ACBD6: variants seen among roughly 807,000 people sequenced by gnomAD.
ACBD6 encodes acyl-CoA binding domain containing 6.
ACBD6 carries 28 observed loss-of-function variants against 37.2 expected under a neutral mutation model. That is an observed-to-expected ratio of 0.75 (90% CI 0.56 to 1.03). ACBD6 has a LOEUF of 1.03. ACBD6 is among the 50% of genes least tolerant of loss of function. The pLI, the probability that ACBD6 is intolerant of heterozygous loss-of-function variation, is 0.00. For missense variants in ACBD6, 340 were observed against 337.4 expected (o/e 1.01, Z -0.06); for synonymous variants, 113 against 126.8 (o/e 0.89, Z 0.73).
chr1:180,447,834 C>A (rs796242591), intron 3 of ACBD6, among the ~76,000 whole-genome samples: 1 of 151,774 alleles, frequency 6.6e-6, no homozygotes, highest in African/African-American at 2.4e-5. Context: ...AAAGAAGAAA[C>A]TGTATTTTAA....
intron 4 of ACBD6, among the ~76,000 whole-genome samples, chr1:180,418,743 G>A (rs896592197): frequency 6.6e-6 from 1 of 152,174 alleles, no homozygotes; most frequent in Non-Finnish European, 1.5e-5. Flanking sequence ...GTAGGATACT[G>A]TTTTTGACTC....
chr1:180,290,784 G>A (rs1649669840), intron 7 of ACBD6, among the ~76,000 whole-genome samples: 1 of 152,196 alleles, frequency 6.6e-6, no homozygotes, highest in Non-Finnish European at 1.5e-5. Context: ...AGGAATGCTG[G>A]AGAACTGTCT....
chr1:180,272,060 CTG>C, intron 13 of ACBD6: 2 of 1,515,858 alleles, frequency 1.3e-6, no homozygotes, highest in Non-Finnish European at 1.8e-6. Flanking sequence ...CCCTGGGAAT[CTG>C]TAATCCCTGG....
At chr1:180,359,918 TAG>T (rs1412683032) in intron 6 of ACBD6, among the ~76,000 whole-genome samples, 1 of 152,188 alleles carries the variant, frequency 6.6e-6, no homozygotes, top group African/African-American at 2.4e-5. Context: ...ATTACAGACA[TAG>T]AAAGTGAGAT....
In ACBD6 at chr1:180,326,151, G is replaced by A. The variant is rs111655404; in HGVS notation, c.664-11429C>T. ...GGCCCTGGGTGGGTCCAGAGATGCTGTCTGGGAGCTAGGGATTGGAGGAAA... is the reference window on the plus strand; with the variant it reads ...GGCCCTGGGTGGGTCCAGAGATGCTATCTGGGAGCTAGGGATTGGAGGAAA... On this transcript the variant is annotated intron_variant, in intron 6 of 7. Transcript: ENST00000367595. Among the ~76,000 whole-genome samples the A allele has an allele frequency of 6.9e-3, 1,055 of 152,326 alleles. 8 individuals are homozygous for A. Among genetic ancestry groups the A allele is most frequent in the Non-Finnish European group, 0.013 (887 of 68,018 alleles).
chr1:180,380,276 AAAACAAAC>A (rs59797090), intron 6 of ACBD6, among the ~76,000 whole-genome samples: 1 of 151,330 alleles, frequency 6.6e-6, no homozygotes, highest in Non-Finnish European at 1.5e-5. Context: ...AAAACAAAAC[AAAACAAAC>A]AAACAAAGAA....
intron 5 of ACBD6, among the ~76,000 whole-genome samples, chr1:180,404,201 T>TCAGCCTCC (rs1448552375): frequency 6.6e-6 from 1 of 152,092 alleles, no homozygotes; most frequent in Non-Finnish European, 1.5e-5. Flanking sequence ...TCTGCCCACC[T>TCAGCCTCC]CAGCCTCCCA....
intron 6 of ACBD6, among the ~76,000 whole-genome samples, chr1:180,341,213 G>C (rs1651974661): frequency 6.6e-6 from 1 of 152,070 alleles, no homozygotes; most frequent in South Asian, 2.1e-4. Flanking sequence ...TTGCAAAATA[G>C]AAACAACCTA....
chr1:180,317,358 G>T (rs1650853947), intron 6 of ACBD6, among the ~76,000 whole-genome samples: 1 of 152,170 alleles, frequency 6.6e-6, no homozygotes, highest in Non-Finnish European at 1.5e-5. Context: ...AGGGAAGCAT[G>T]GGGAGTTCTT....
chr1:180,400,947 A>G (rs1417661270), intron 5 of ACBD6, among the ~76,000 whole-genome samples: 2 of 152,182 alleles, frequency 1.3e-5, no homozygotes, highest in Non-Finnish European at 1.5e-5. Context: ...AAATTTATGA[A>G]CTATTTTACA....
intron 4 of ACBD6, among the ~76,000 whole-genome samples, chr1:180,425,664 G>A (rs549675949): frequency 2.0e-5 from 3 of 152,302 alleles, no homozygotes; most frequent in African/African-American, 7.2e-5. Flanking sequence ...AAAACAGGCT[G>A]CAATGTAACA....
intron 6 of ACBD6, among the ~76,000 whole-genome samples, chr1:180,337,257 A>G (rs1042331976): frequency 1.4e-4 from 21 of 152,194 alleles, no homozygotes; most frequent in Non-Finnish European, 2.9e-4. Context: ...ATCCTCAATA[A>G]AATACTGAAA....
At chr1:180,479,844 C>T (rs1362058635) in intron 3 of ACBD6, among the ~76,000 whole-genome samples, 4 of 152,004 alleles carry the variant, frequency 2.6e-5, no homozygotes, top group Non-Finnish European at 5.9e-5. Context: ...AAAAAACTAG[C>T]TGGGTGTGGT....
chr1:180,355,727 C>T (rs755513280), intron 6 of ACBD6, among the ~76,000 whole-genome samples: 1 of 152,146 alleles, frequency 6.6e-6, no homozygotes, highest in Non-Finnish European at 1.5e-5. Context: ...TTTATGTAGT[C>T]TCCCATCCCT....
chr1:180,342,871 T>G (rs1220662060), intron 6 of ACBD6, among the ~76,000 whole-genome samples: 1 of 152,104 alleles, frequency 6.6e-6, no homozygotes, highest in Non-Finnish European at 1.5e-5. Context: ...TCATCTGGTT[T>G]ACAACTTATA....
chr1:180,411,853 G>A (rs1647872483), intron 5 of ACBD6, among the ~76,000 whole-genome samples: 1 of 151,814 alleles, frequency 6.6e-6, no homozygotes, highest in Non-Finnish European at 1.5e-5. Context: ...TGTATTTTTA[G>A]TAGAGATGGG....
intron 6 of ACBD6, among the ~76,000 whole-genome samples, chr1:180,367,513 T>C (rs1653095944): frequency 6.6e-6 from 1 of 152,148 alleles, no homozygotes; most frequent in Admixed American, 6.6e-5. Flanking sequence ...CAGTTATCTT[T>C]TCTTCTCCTC....
chr1:180,408,072 A>T (rs6676778), intron 5 of ACBD6, among the ~76,000 whole-genome samples: 15,824 of 152,212 alleles, frequency 0.1, 1,181 homozygotes, highest in African/African-American at 0.2. Flanking sequence ...AAGTAAGAGC[A>T]TTATCAGAAT....
chr1:180,318,164 C>CCG (rs1553291897), intron 6 of ACBD6, among the ~76,000 whole-genome samples: 2 of 6,460 alleles, frequency 3.1e-4, no homozygotes, highest in Non-Finnish European at 1.0e-3. Flanking sequence ...TCCATCTCCG[C>CCG]CCCCCCCCCC....
Sources: allele counts gnomAD v4.1 joint callset (sites outside exome capture counted in the v4.1 genomes callset), GRCh38; gene constraint gnomAD v4.1.1; transcripts MANE v1.5; gene names NCBI Gene and HGNC (gene_info 2026-07-23, HGNC 2026-07-21).